The following R3HDM1 variants were observed in gnomAD, a reference collection of about 807,000 sequenced individuals.
R3HDM1 encodes R3H domain-containing protein 1.
A neutral mutation model predicts 141.1 loss-of-function variants in R3HDM1; 46 were observed. That is an observed-to-expected ratio of 0.33 (90% CI 0.26 to 0.42). The LOEUF (loss-of-function observed/expected upper bound fraction) is 0.42, where lower values mean the gene tolerates loss of function less well. Ranked by LOEUF, R3HDM1 falls within the 10% of genes least tolerant of loss-of-function variation. The probability of loss-of-function intolerance (pLI) is 1.00; values close to 1 mark genes in which losing one functional copy is unlikely to be tolerated. For missense variants in R3HDM1, 1,184 were observed against 1,368.3 expected (o/e 0.87, Z 2.12); for synonymous variants, 435 against 472.9 (o/e 0.92, Z 1.04).
At chr2:135,533,413 C>T (rs1013752166) in intron 1 of R3HDM1, among the ~76,000 whole-genome samples, 1 of 152,122 alleles carries the variant, frequency 6.6e-6, no homozygotes. Context: ...ATTATACAAT[C>T]GATACTTTCA....
chr2:135,622,530 T>C (rs1242335723), intron 6 of R3HDM1, 124 bp from the exon 7 acceptor site: 1 of 1,346,456 alleles, frequency 7.4e-7, no homozygotes, highest in Non-Finnish European at 9.6e-7. Context: ...TTTCCTACTT[T>C]GTCGAATTTT....
chr2:135,651,320 C>T lies in R3HDM1; in HGVS notation c.1726-410C>T, dbSNP rs2065124407. The T allele has an allele frequency of 4.1e-6, 4 of 983,008 alleles. 1 individual carries two copies. In the Admixed American group the frequency reaches 2.5e-4, roughly 60 times the overall value. The allele number at this position is 983,008 out of a possible 1,614,324, so 60.9% of individuals were successfully genotyped here. A position where few individuals can be genotyped will look rare whatever the true frequency, so the allele number is the denominator to read the frequency against. ...TAGGAAGAGGGGAGATAGTTTAAAG[C>T]AAATACTAATTAGTACCTTGCTCAT... On this transcript the variant is annotated intron_variant, in intron 17 of 26. Coordinates refer to ENST00000683871, the MANE Select transcript of R3HDM1 (RefSeq NM_001378107.1).
At position 135,641,683 on chromosome 2, in the gene R3HDM1, A is replaced by G; in HGVS notation, c.1367A>G (p.Asp456Gly). The G allele has an allele frequency of 1.2e-6, 2 of 1,613,996 alleles. No individual in the cohort carries two copies. Among genetic ancestry groups the G allele is most frequent in the East Asian group, 4.5e-5 (2 of 44,860 alleles). ...AGCACTCATAGTTCTCTTTCCTTTG[A>G]TGGTGGCCTAAATGGGCAAGTCGCA... Reference protein sequence around the residue: ...TVSTHSSLSFDGGLNGQVASP... With the variant: ...TVSTHSSLSFGGGLNGQVASP... The change falls in exon 15 of 27, where the codon GAT becomes GGT. Residue 456 changes from aspartate (D) to glycine (G), a missense_variant. Transcript: ENST00000683871.
intron 3 of R3HDM1, among the ~76,000 whole-genome samples, chr2:135,610,387 C>T (rs1043199276): frequency 6.6e-6 from 1 of 152,210 alleles, no homozygotes; most frequent in Non-Finnish European, 1.5e-5. Context: ...AAAACTAGGC[C>T]TTGTGTGCCA....
intron 21 of R3HDM1, among the ~76,000 whole-genome samples, chr2:135,687,316 G>A (rs760551467): frequency 6.6e-6 from 1 of 152,204 alleles, no homozygotes; most frequent in Non-Finnish European, 1.5e-5. Context: ...TTTCTTTTAT[G>A]CAAGATGAAT....
intron 3 of R3HDM1, among the ~76,000 whole-genome samples, chr2:135,609,326 A>G (rs1251632853): frequency 6.6e-6 from 1 of 152,180 alleles, no homozygotes; most frequent in Non-Finnish European, 1.5e-5. Context: ...TTTTAGGATT[A>G]CTTTCATAAA....
chr2:135,578,256 T>C (rs1235901371), intron 1 of R3HDM1, among the ~76,000 whole-genome samples: 1 of 152,074 alleles, frequency 6.6e-6, no homozygotes, highest in Non-Finnish European at 1.5e-5. Context: ...GTATGAAGAG[T>C]ATCTATAATA....
chr2:135,638,662 G>T lies in R3HDM1; in HGVS notation c.941+7G>T, dbSNP rs1393504614. 6.2e-7 allele frequency: 1 copy of T among 1,610,806 alleles called. No individual in the cohort carries two copies. The highest frequency in any genetic ancestry group is 8.5e-7 in the Non-Finnish European group (1 of 1,177,306). ...ATTACATTATTGACAAAAGGTGAGG[G>T]AATTTTTAACATCTGTTTTGGTAAT... On this transcript the variant is annotated splice_region_variant and intron_variant, in intron 12 of 26. Coordinates refer to ENST00000683871, the MANE Select transcript of R3HDM1 (RefSeq NM_001378107.1).
At chr2:135,618,382 G>A (rs954368601) in intron 5 of R3HDM1, among the ~76,000 whole-genome samples, 6 of 150,820 alleles carry the variant, frequency 4.0e-5, no homozygotes, top group Non-Finnish European at 5.9e-5. Context: ...GGCTGGTTGC[G>A]AACTCCTGAC....
At chr2:135,617,105 C>T (rs931468672) in intron 5 of R3HDM1, among the ~76,000 whole-genome samples, 2 of 152,086 alleles carry the variant, frequency 1.3e-5, no homozygotes, top group Non-Finnish European at 2.9e-5. Flanking sequence ...GGGCACATCA[C>T]GAGGTCAGGA....
At chr2:135,711,206 A>G (rs1454156447) in intron 23 of R3HDM1, among the ~76,000 whole-genome samples, 1 of 152,144 alleles carries the variant, frequency 6.6e-6, no homozygotes, top group Non-Finnish European at 1.5e-5. Context: ...AAAACAAATT[A>G]CCTGATACCT....
chr2:135,603,511 A>G (rs759707931), intron 2 of R3HDM1, among the ~76,000 whole-genome samples: 7 of 152,184 alleles, frequency 4.6e-5, no homozygotes, highest in Non-Finnish European at 1.0e-4. Flanking sequence ...GCTATAACCT[A>G]TATCTGTCTA....
intron 1 of R3HDM1, among the ~76,000 whole-genome samples, chr2:135,569,458 G>A (rs1010060862): frequency 4.6e-5 from 7 of 151,652 alleles, no homozygotes; most frequent in African/African-American, 9.7e-5. Flanking sequence ...ACTCCAGCCT[G>A]GGCAACAAAA....
chr2:135,606,919 T>G (rs1300817572), intron 3 of R3HDM1, among the ~76,000 whole-genome samples: 1 of 150,996 alleles, frequency 6.6e-6, no homozygotes, highest in Non-Finnish European at 1.5e-5. Flanking sequence ...TTTTTTCTTT[T>G]GTGTTTTCTT....
intron 19 of R3HDM1, chr2:135,667,857 T>TC: frequency 6.7e-6 from 5 of 749,424 alleles, no homozygotes; most frequent in African/African-American, 1.9e-5. Flanking sequence ...TCTGAATAAT[T>TC]AGACAAGGAA....
Position 135,562,301 on chromosome 2 carries a change from A to G in R3HDM1, c.-250+30668A>G, listed in dbSNP as rs146393689. Among the ~76,000 whole-genome samples, 463 of 152,342 alleles carry G rather than the reference A, an allele frequency of 3.0e-3. 2 individuals carry two copies. The highest frequency in any genetic ancestry group is 0.01 in the African/African-American group (430 of 41,574). ...TTTGACCATCATCCCCAAAGCTTCT[A>G]TAGGATATTTGGTCAAGAACTTTTC... On this transcript the variant is annotated intron_variant, in intron 1 of 26. Coordinates refer to ENST00000683871, the MANE Select transcript of R3HDM1 (RefSeq NM_001378107.1).
rs145134941 is a variant in R3HDM1 at position 135,632,575 on chromosome 2, G to A, written c.698+574G>A. ...AGAATTGATTGCTTTATAGTGTTAC[G>A]GAAGTAGATCATCATTGCTGTTACT... On this transcript the variant is annotated intron_variant, in intron 9 of 26. Coordinates refer to ENST00000683871, the MANE Select transcript of R3HDM1 (RefSeq NM_001378107.1). 1.6e-4 allele frequency among the ~76,000 whole-genome samples: 25 copies of A among 152,232 alleles called. 3 individuals carry two copies. Among genetic ancestry groups the A allele is most frequent in the African/African-American group, 5.5e-4 (23 of 41,572 alleles).
chr2:135,668,900 G>A (rs1356208906), intron 19 of R3HDM1, among the ~76,000 whole-genome samples: 1 of 152,132 alleles, frequency 6.6e-6, no homozygotes, highest in Non-Finnish European at 1.5e-5. Flanking sequence ...AGCCTCCGAG[G>A]CAAAACAGCA....
At chr2:135,531,934 G>A (rs1380803521) in intron 1 of R3HDM1, among the ~76,000 whole-genome samples, 1 of 152,214 alleles carries the variant, frequency 6.6e-6, no homozygotes, top group African/African-American at 2.4e-5. Context: ...CCACCCGGGG[G>A]CCATGTGAAA....
Sources: allele counts gnomAD v4.1 joint callset (sites outside exome capture counted in the v4.1 genomes callset), GRCh38; gene constraint gnomAD v4.1.1; transcripts MANE v1.5; gene names NCBI Gene and HGNC (gene_info 2026-07-23, HGNC 2026-07-21).